Variants in PCDHGB5 observed in about 807,000 individuals in gnomAD.
PCDHGB5 encodes the protein protocadherin gamma subfamily B, 5, also known as protocadherin gamma-B5.
In PCDHGB5, 48 loss-of-function variants were observed where a neutral mutation model predicts 62.9. That is an observed-to-expected ratio of 0.76 (90% CI 0.61 to 0.97). The LOEUF (loss-of-function observed/expected upper bound fraction) is 0.97. PCDHGB5 is among the 50% of genes least tolerant of loss of function. PCDHGB5 has a pLI of 0.00. For synonymous variants in PCDHGB5, 474 were observed against 511.2 expected (o/e 0.93, Z 0.98); for missense variants, 1,118 against 1,198.6 (o/e 0.93, Z 0.99).
chr5:141,424,365 T>A (rs933291305), intron 1 of PCDHGB5: 7 of 152,246 alleles, frequency 4.6e-5, no homozygotes, highest in African/African-American at 1.7e-4. Context: ...TAGATCACAT[T>A]TTTTCTTAAG....
At chr5:141,449,282 G>A (rs1285842278) in intron 1 of PCDHGB5, among the ~76,000 whole-genome samples, 17 of 152,002 alleles carry the variant, frequency 1.1e-4, no homozygotes, top group Admixed American at 4.6e-4. Context: ...CCTTCACCCG[G>A]ATGCACCGGG....
chr5:141,499,689 CTTTTTTTT>C (rs545067566), intron 2 of PCDHGB5, among the ~76,000 whole-genome samples: 2 of 119,856 alleles, frequency 1.7e-5, no homozygotes, highest in Non-Finnish European at 3.5e-5. Flanking sequence ...TAACAGATGA[CTTTTTTTT>C]TTTTTTTTTT....
chr5:141,418,586 A>C lies in PCDHGB5; in HGVS notation c.2397+18062A>C, dbSNP rs1422171892. ...TGCCAATGACAACCCCCCAGTGTTC[A>C]GCCAGGACGTGTACAGGGTTAGCCT... On this transcript the variant is annotated intron_variant, in intron 1 of 3. Transcript: ENST00000617380. The C allele has an allele frequency of 1.9e-6, 3 of 1,613,930 alleles. No individual in the cohort carries two copies. In the Admixed American group the frequency reaches 5.0e-5, roughly 27 times the overall value.
intron 1 of PCDHGB5, among the ~76,000 whole-genome samples, chr5:141,401,496 C>T (rs909382274): frequency 6.6e-6 from 1 of 152,190 alleles, no homozygotes; most frequent in African/African-American, 2.4e-5. Context: ...GATGCAAAAT[C>T]CTTTTCCACC....
In PCDHGB5 at chr5:141,413,494, G is replaced by A. The variant is rs778441176; in HGVS notation, c.2397+12970G>A. The A allele has an allele frequency of 2.5e-5, 41 of 1,613,924 alleles. No homozygotes were observed. Among genetic ancestry groups the A allele is most frequent in the Non-Finnish European group, 3.1e-5 (37 of 1,179,948 alleles). On this transcript the variant is annotated intron_variant, in intron 1 of 3. Transcript: ENST00000617380. Reference sequence around the variant, plus strand: ...GCTCTGCGCTCAGAGCGCGCGGTGCGTGGTGAGTTTTAATATCCTTGTGGA... The same window carrying A: ...GCTCTGCGCTCAGAGCGCGCGGTGCATGGTGAGTTTTAATATCCTTGTGGA...
chr5:141,404,298 C>A, intron 1 of PCDHGB5: 3 of 1,613,868 alleles, frequency 1.9e-6, no homozygotes, highest in Non-Finnish European at 2.5e-6. Flanking sequence ...AATGATAATC[C>A]ACCTGCTTTC....
intron 1 of PCDHGB5, among the ~76,000 whole-genome samples, chr5:141,425,105 G>C (rs1227234896): frequency 2.0e-5 from 3 of 152,236 alleles, no homozygotes; most frequent in African/African-American, 7.2e-5. Flanking sequence ...TCCAACAGAT[G>C]CCTACATTTT....
At chr5:141,420,210 A>T (rs1415966611) in intron 1 of PCDHGB5, 1 of 1,612,612 alleles carries the variant, frequency 6.2e-7, no homozygotes, top group East Asian at 2.2e-5. Flanking sequence ...CTCAACAAAG[A>T]TAGCATGCTA....
chr5:141,460,656 ACTGTAAACACAGT>A (rs2098994793), intron 1 of PCDHGB5, among the ~76,000 whole-genome samples: 1 of 152,086 alleles, frequency 6.6e-6, no homozygotes, highest in Admixed American at 6.6e-5. Flanking sequence ...CACATATGTA[ACTGTAAACACAGT>A]TATATATCTA....
In PCDHGB5 at chr5:141,431,211, G is replaced by A. The variant is rs1054638121; in HGVS notation, c.2397+30687G>A. The A allele has an allele frequency of 6.2e-7, 1 of 1,614,004 alleles. No individual in the cohort carries two copies. The highest frequency in any genetic ancestry group is 1.7e-5 in the Admixed American group (1 of 60,006). ...AGTGAAAATGCAGCCACTGAGATGC[G>A]GTTCCCTCTACCCCACGCCTGGGAT... On this transcript the variant is annotated intron_variant, in intron 1 of 3. Coordinates refer to ENST00000617380, the MANE Select transcript of PCDHGB5 (RefSeq NM_018925.3). This position sits in a 1 kb window ranked among gnomAD's most constrained non-coding sequence, Gnocchi z 4.8.
At chr5:141,433,691 G>A (rs2097644575) in intron 1 of PCDHGB5, among the ~76,000 whole-genome samples, 1 of 152,044 alleles carries the variant, frequency 6.6e-6, no homozygotes, top group Non-Finnish European at 1.5e-5. Flanking sequence ...TACAAAATTA[G>A]CCGGGCGTGG....
intron 1 of PCDHGB5, chr5:141,405,594 C>G: frequency 1.7e-6 from 1 of 578,834 alleles, no homozygotes; most frequent in Non-Finnish European, 3.0e-6. Context: ...ACAGGCCTCC[C>G]AAGTAGAATA....
At position 141,399,038 on chromosome 5, in the gene PCDHGB5, A is replaced by G. The variant is rs1228007346; in HGVS notation, c.911A>G (p.Asp304Gly). 2 of 1,613,854 alleles carry G rather than the reference A, an allele frequency of 1.2e-6. No individual in the cohort carries two copies. Among genetic ancestry groups the G allele is most frequent in the South Asian group, 2.2e-5 (2 of 91,084 alleles). ...SGEITTQKKL[D>G]FEETKEYSMV... ...GAAATTACCACTCAAAAGAAACTGGATTTTGAAGAGACCAAGGAATATTCA... is the reference window on the plus strand; with the variant it reads ...GAAATTACCACTCAAAAGAAACTGGGTTTTGAAGAGACCAAGGAATATTCA... Residue 304 changes from aspartate (D) to glycine (G), a missense_variant, in exon 1 of 4, where the codon GAT (aspartate) becomes GGT (glycine). Physicochemically the swap from Asp to Gly is moderately conservative, Grantham distance 94. Around this residue, in one of 2 missense-constraint regions of PCDHGB5, gnomAD observed 1,034 missense variants for 1,029.1 expected, o/e 1.00. Coordinates refer to ENST00000617380, the MANE Select transcript of PCDHGB5 (RefSeq NM_018925.3).
Position 141,511,309 on chromosome 5 carries a change from G to C in PCDHGB5, c.*136G>C. The stretch of plus-strand genomic sequence containing the variant: ...GGGGCCAAGGCCATGCTCCCCTTGG[G>C]AAACAGAAACAAGTGCCCAGTCAGC... On this transcript the variant is annotated 3_prime_UTR_variant, in exon 4 of 4. Coordinates refer to ENST00000617380, the MANE Select transcript of PCDHGB5 (RefSeq NM_018925.3). 4.0e-6 allele frequency: 6 copies of C among 1,485,470 alleles called. No homozygotes were observed. Among genetic ancestry groups the C allele is most frequent in the Non-Finnish European group, 4.5e-6 (5 of 1,113,432 alleles). 92.0% of individuals were successfully genotyped at this position (1,485,470 alleles called of 1,614,324 possible).
At chr5:141,409,227 A>G (rs2095244126) in intron 1 of PCDHGB5, 1 of 1,613,922 alleles carries the variant, frequency 6.2e-7, no homozygotes, top group African/African-American at 1.3e-5. Flanking sequence ...GATGAAAACG[A>G]CAACAGCCCA....
Position 141,489,902 on chromosome 5 carries a change from C to T in PCDHGB5, c.2398-4905C>T. The T allele has an allele frequency of 6.2e-7, 1 of 1,614,218 alleles. No individual in the cohort carries two copies. The highest frequency in any genetic ancestry group is 8.5e-7 in the Non-Finnish European group (1 of 1,180,032). On this transcript the variant is annotated intron_variant, in intron 1 of 3. Transcript: ENST00000617380. This position sits in a 1 kb window ranked among gnomAD's most constrained non-coding sequence, Gnocchi z 4.5. Reference sequence around the variant, plus strand: ...ACTGCTGTGGATGGGGGGACCCCAGCCCGCTCAGGGACCACCCTTATCTCT... The same window carrying T: ...ACTGCTGTGGATGGGGGGACCCCAGTCCGCTCAGGGACCACCCTTATCTCT...
intron 1 of PCDHGB5, chr5:141,408,786 C>A: frequency 6.2e-7 from 1 of 1,612,430 alleles, no homozygotes; most frequent in Non-Finnish European, 8.5e-7. Flanking sequence ...CCAGAGTTAT[C>A]TCTGGAGAAA....
intron 1 of PCDHGB5, chr5:141,416,673 C>A (rs1259750007): frequency 6.6e-6 from 1 of 151,958 alleles, no homozygotes; most frequent in Non-Finnish European, 1.5e-5. Flanking sequence ...ATATATGCAA[C>A]GAAGGGAAAT....
chr5:141,510,795 G>T (rs994874330), intron 3 of PCDHGB5, 152 bp from the exon 4 acceptor site: 6 of 1,465,214 alleles, frequency 4.1e-6, no homozygotes. Flanking sequence ...CTTGTGAAGA[G>T]AGACTACCTT....
Sources: allele counts gnomAD v4.1 joint callset (sites outside exome capture counted in the v4.1 genomes callset), GRCh38; gene constraint gnomAD v4.1.1; regional missense constraint gnomAD v4.1.1; non-coding constraint Gnocchi (gnomAD v3.1); transcripts MANE v1.5; gene names NCBI Gene and HGNC (gene_info 2026-07-23, HGNC 2026-07-21).